Variants in ST7 observed in about 807,000 individuals in gnomAD.
The protein encoded by ST7 is suppressor of tumorigenicity 7 protein.
A neutral mutation model predicts 78.7 loss-of-function variants in ST7; 28 were observed. The observed-to-expected ratio is 0.36, with a 90% CI of 0.26 to 0.49. The LOEUF (loss-of-function observed/expected upper bound fraction) is 0.49, where lower values mean the gene tolerates loss of function less well. Among genes scored for constraint, ST7 ranks in the 20% least tolerant of loss-of-function variants. The pLI is 0.99. For missense variants in ST7, 418 were observed against 696.0 expected, an observed-to-expected ratio of 0.60 and a Z score of 4.49; for synonymous variants, 247 against 249.6, an observed-to-expected ratio of 0.99 and a Z score of 0.10.
At chr7:117,159,723 T>C (rs1023007295) in intron 9 of ST7, among the ~76,000 whole-genome samples, 4 of 152,096 alleles carry the variant, frequency 2.6e-5, no homozygotes, top group African/African-American at 7.2e-5. Flanking sequence ...AACTAAAAAA[T>C]GAAAACTATT....
intron 15 of ST7, among the ~76,000 whole-genome samples, chr7:117,224,345 G>T (rs548699821): frequency 6.6e-6 from 1 of 152,182 alleles, no homozygotes; most frequent in African/African-American, 2.4e-5. Flanking sequence ...TTCTGTGCAT[G>T]ACATGATTTC....
At chr7:116,975,197 G>C (rs1793637126) in intron 1 of ST7, among the ~76,000 whole-genome samples, 1 of 152,152 alleles carries the variant, frequency 6.6e-6, no homozygotes, top group Admixed American at 6.5e-5. Context: ...AGGCAAGAGA[G>C]CGTGTGCAGG....
intron 1 of ST7, among the ~76,000 whole-genome samples, chr7:117,079,691 T>G (rs1052741363): frequency 1.3e-5 from 2 of 152,180 alleles, no homozygotes; most frequent in Admixed American, 1.3e-4. Context: ...ATATATGCTT[T>G]TATTTGTTAC....
At chr7:117,097,908 A>ATATTTTTTT in intron 1 of ST7, among the ~76,000 whole-genome samples, 4 of 30,012 alleles carry the variant, frequency 1.3e-4, no homozygotes, top group African/African-American at 6.4e-4. Flanking sequence ...ATATATATAT[A>ATATTTTTTT]TTTTTTTTTT....
At chr7:116,978,036 G>A (rs1331652139) in intron 1 of ST7, among the ~76,000 whole-genome samples, 1 of 152,098 alleles carries the variant, frequency 6.6e-6, no homozygotes, top group Admixed American at 6.5e-5. Flanking sequence ...TCTCTCTCCT[G>A]TGCCTGGTCA....
intron 14 of ST7, 72 bp from the exon 15 acceptor site, chr7:117,221,851 C>T: frequency 6.8e-7 from 1 of 1,467,448 alleles, no homozygotes; most frequent in Non-Finnish European, 9.0e-7. Context: ...GGAGTCAGTG[C>T]CACCATAAAG....
At chr7:117,164,869 G>A (rs958397164) in intron 9 of ST7, among the ~76,000 whole-genome samples, 1 of 151,000 alleles carries the variant, frequency 6.6e-6, no homozygotes, top group African/African-American at 2.4e-5. Context: ...GGGGTGGGAG[G>A]GAGCTCATCT....
chr7:117,046,205 C>T (rs1797484953), intron 1 of ST7, among the ~76,000 whole-genome samples: 1 of 152,072 alleles, frequency 6.6e-6, no homozygotes, highest in Non-Finnish European at 1.5e-5. Context: ...AACAGCTCCA[C>T]CATCACCTGT....
intron 1 of ST7, among the ~76,000 whole-genome samples, chr7:117,015,809 T>C (rs994460223): frequency 2.0e-5 from 3 of 152,188 alleles, no homozygotes; most frequent in Non-Finnish European, 4.4e-5. Context: ...ATGGCGACAT[T>C]GTTTGCTGAC....
In ST7 at chr7:117,222,006, A is replaced by T. The variant is rs376975637; in HGVS notation, c.1582A>T (p.Met528Leu). The stretch of plus-strand genomic sequence containing the variant: ...TGCTGGATTATGTTCCTTCACAGCC[A>T]TGCTGGCCCTCCTGACACATCAGTT... ...FTAGLCSFTA[M>L]LALLTHQFPE... is the part of the protein sequence containing the mutation. Residue 528 changes from methionine to leucine, a missense_variant, in exon 15 of 16, where the codon ATG becomes TTG. Physicochemically the swap from Met to Leu is conservative, Grantham distance 15. Coordinates refer to ENST00000323984, the MANE Select transcript of ST7 (RefSeq NM_001369598.1). 14 of 1,613,066 alleles carry T rather than the reference A, an allele frequency of 8.7e-6. No homozygotes were observed. Among genetic ancestry groups the T allele is most frequent in the Admixed American group, 1.7e-5 (1 of 59,912 alleles).
At chr7:117,165,388 A>G (rs1363957913) in intron 9 of ST7, among the ~76,000 whole-genome samples, 1 of 152,178 alleles carries the variant, frequency 6.6e-6, no homozygotes, top group African/African-American at 2.4e-5. Flanking sequence ...GCATTGAGTC[A>G]AAACGTACAG....
rs763958953 is a variant in ST7, at chr7:117,130,595, C to T, written c.554C>T (p.Pro185Leu). ...FFTCDSDHLR[P>L]ADAIMQKAWR... is the part of the protein sequence containing the mutation. Reference sequence around the variant, plus strand: ...ACTTGTGACTCGGACCATCTGCGTCCCGCAGATGCAAGTATGAAAAATCCA... The same window carrying T: ...ACTTGTGACTCGGACCATCTGCGTCTCGCAGATGCAAGTATGAAAAATCCA... Residue 185 changes from proline to leucine, a missense_variant, in exon 5 of 16, where the codon CCC (proline) becomes CTC (leucine). Transcript: ENST00000323984. The T allele has an allele frequency of 6.2e-7, 1 of 1,608,038 alleles. No individual in the cohort carries two copies. Among genetic ancestry groups the T allele is most frequent in the Non-Finnish European group, 8.5e-7 (1 of 1,176,516 alleles).
intron 1 of ST7, among the ~76,000 whole-genome samples, chr7:117,077,216 T>C (rs1799416300): frequency 6.6e-6 from 1 of 152,176 alleles, no homozygotes; most frequent in African/African-American, 2.4e-5. Flanking sequence ...AGGGTTTTTA[T>C]AGGCACAGGA....
chr7:117,181,926 A>G (rs1040222830), intron 10 of ST7, among the ~76,000 whole-genome samples: 17 of 152,326 alleles, frequency 1.1e-4, no homozygotes, highest in Admixed American at 4.6e-4. Flanking sequence ...TAAACAAAGC[A>G]TTTGGTAATA....
At chr7:117,131,812 G>GCT in intron 5 of ST7, 73 bp from the exon 6 acceptor site, 1 of 1,328,204 alleles carries the variant, frequency 7.5e-7, no homozygotes, top group Admixed American at 1.9e-5. Context: ...TCCTAATTTA[G>GCT]CTCTTGTCCT....
At chr7:116,982,131 T>C (rs1793987116) in intron 1 of ST7, among the ~76,000 whole-genome samples, 1 of 152,254 alleles carries the variant, frequency 6.6e-6, no homozygotes, top group South Asian at 2.1e-4. Flanking sequence ...GGTCTGTCAT[T>C]GACAGATATG....
At chr7:117,043,843 GT>G (rs1366419360) in intron 1 of ST7, among the ~76,000 whole-genome samples, 2 of 152,200 alleles carry the variant, frequency 1.3e-5, no homozygotes, top group African/African-American at 4.8e-5. Flanking sequence ...TCCATTCTCA[GT>G]TGCAGATTCC....
At chr7:117,078,995 A>G (rs1252053668) in intron 1 of ST7, among the ~76,000 whole-genome samples, 1 of 152,166 alleles carries the variant, frequency 6.6e-6, no homozygotes, top group Non-Finnish European at 1.5e-5. Context: ...TGTAGTCACA[A>G]ATGCACTGAA....
chr7:117,118,909 G>A (rs1323191096), intron 2 of ST7, among the ~76,000 whole-genome samples: 2 of 152,128 alleles, frequency 1.3e-5, no homozygotes, highest in Admixed American at 1.3e-4. Flanking sequence ...ACAATTAGTA[G>A]GCTTGTGAAC....
Sources: gnomAD v4.1 joint callset for allele counts (sites outside exome capture counted in the v4.1 genomes callset) on GRCh38, gnomAD v4.1.1 for gene constraint, MANE v1.5 for transcripts, NCBI Gene and HGNC (gene_info 2026-07-23, HGNC 2026-07-21) for gene names.